Variants in NPAT observed in about 807,000 individuals in gnomAD.
The protein encoded by NPAT is nuclear protein, coactivator of histone transcription.
NPAT carries 52 observed loss-of-function variants against 130.7 expected under a neutral mutation model. The ratio of observed to expected loss-of-function variants is 0.40; its 90% CI spans 0.32 to 0.50. The LOEUF is 0.50. Among genes scored for constraint, NPAT ranks in the 20% least tolerant of loss-of-function variants. The pLI, the probability that NPAT is intolerant of heterozygous loss-of-function variation, is 0.68. For synonymous variants in NPAT, 580 were observed against 584.8 expected (o/e 0.99, Z 0.12); for missense variants, 1,687 against 1,662.6 (o/e 1.01, Z -0.26).
In NPAT at chr11:108,197,069, G is replaced by A. The variant is rs140014845; in HGVS notation, c.156+233C>T. On this transcript the variant is annotated intron_variant, in intron 2 of 17. Transcript: ENST00000278612. ...AGCAGCGAAACTAATCAGAAACGAGGGTGTCATTTTGAAACTAACTCTCGG... is the reference window on the plus strand; with the variant it reads ...AGCAGCGAAACTAATCAGAAACGAGAGTGTCATTTTGAAACTAACTCTCGG... 2.4e-4 allele frequency among the ~76,000 whole-genome samples: 36 copies of A among 152,130 alleles called. 1 individual carries two copies. The highest frequency in any genetic ancestry group is 7.5e-4 in the African/African-American group (31 of 41,508).
Position 108,202,385 on chromosome 11 carries a change from C to G in NPAT, c.38-4965G>C, listed in dbSNP as rs570274775. Among the ~76,000 whole-genome samples, 4 of 152,200 alleles carry G rather than the reference C, an allele frequency of 2.6e-5. No homozygotes were observed. In the East Asian group the frequency reaches 5.8e-4, roughly 22 times the overall value. ...CCAGATTTCTGATCCACTTGAGGCC[C>G]CTCTGATCTGGGAGGGCTCCAAGAG... On this transcript the variant is annotated intron_variant, in intron 1 of 17. Transcript: ENST00000278612.
chr11:108,172,774 A>G lies in NPAT; in HGVS notation c.2210T>C (p.Ile737Thr). The G allele has an allele frequency of 1.9e-6, 3 of 1,613,682 alleles. No homozygotes were observed. Among genetic ancestry groups the G allele is most frequent in the Non-Finnish European group, 2.5e-6 (3 of 1,179,992 alleles). Residue 737 changes from isoleucine to threonine, a missense_variant, in exon 13 of 18, where the codon ATC becomes ACC. Ile to Thr is a moderately conservative substitution (Grantham distance 89, BLOSUM62 -1). This residue lies in a region of NPAT where 1,379 missense variants were observed against 1,346.6 expected (regional missense o/e 1.02). Transcript: ENST00000278612. Reference protein sequence around the residue: ...NNSAEIDASNIVSLKVIISDD... With the variant: ...NNSAEIDASNTVSLKVIISDD... ...ACTAATGATAACTTTGAGAGAGACG[A>G]TATTTGATGCATCTATCTCTGCTGA... is the stretch of plus-strand genomic sequence containing the variant.
At chr11:108,205,185 TATTC>T (rs1294160579) in intron 1 of NPAT, among the ~76,000 whole-genome samples, 1 of 152,044 alleles carries the variant, frequency 6.6e-6, no homozygotes, top group Non-Finnish European at 1.5e-5. Context: ...AGTGAGATGA[TATTC>T]AAAGACTTGA....
At chr11:108,206,622 C>G (rs1412162065) in intron 1 of NPAT, among the ~76,000 whole-genome samples, 2 of 152,128 alleles carry the variant, frequency 1.3e-5, no homozygotes, top group Non-Finnish European at 2.9e-5. Context: ...TTGGGGAGCT[C>G]TTAGGTCTGG....
At chr11:108,180,736 G>A (rs1397731225) in intron 10 of NPAT, among the ~76,000 whole-genome samples, 2 of 152,172 alleles carry the variant, frequency 1.3e-5, no homozygotes, top group Admixed American at 6.5e-5. Context: ...TCTCAAAGAC[G>A]TATTTGTACA....
intron 12 of NPAT, among the ~76,000 whole-genome samples, chr11:108,175,647 T>G (rs1225561685): frequency 2.0e-5 from 3 of 152,162 alleles, no homozygotes; most frequent in Admixed American, 1.3e-4. Context: ...ACTTGATTGT[T>G]GGCAGAGGAA....
intron 7 of NPAT, among the ~76,000 whole-genome samples, chr11:108,187,552 C>T (rs1345353624): frequency 6.6e-6 from 1 of 152,034 alleles, no homozygotes; most frequent in African/African-American, 2.4e-5. Context: ...GAATGAAAGA[C>T]AACCAAAAGT....
At position 108,170,041 on chromosome 11, in the gene NPAT, A is replaced by T; in HGVS notation, c.2788T>A (p.Ser930Thr). 6.3e-7 allele frequency: 1 copy of T among 1,593,268 alleles called. No homozygotes were observed. ...ACTGGAGAGGCAATTATTATGGCAGATCCTAAAAAAACAATTCTTGTTAAA... is the reference window on the plus strand; with the variant it reads ...ACTGGAGAGGCAATTATTATGGCAGTTCCTAAAAAAACAATTCTTGTTAAA... ...QAVSPNFSQG[S>T]AIIIASPVQP... The change falls in exon 14 of 18, where the codon TCT becomes ACT. Residue 930 changes from serine (S) to threonine (T), a missense_variant and splice_region_variant. This residue lies in a region of NPAT where 1,379 missense variants were observed against 1,346.6 expected (regional missense o/e 1.02). Transcript: ENST00000278612.
At chr11:108,206,324 A>G (rs1027229673) in intron 1 of NPAT, among the ~76,000 whole-genome samples, 20 of 152,334 alleles carry the variant, frequency 1.3e-4, no homozygotes, top group African/African-American at 4.6e-4. Flanking sequence ...CCACTTGGCC[A>G]AGCAGGCTGT....
Position 108,188,197 on chromosome 11 carries a change from A to C in NPAT, c.557-18T>G. Reference sequence around the variant, plus strand: ...TTCTCCAGCTGTATTTCAAGAAAACATAACAGTAAGCCAAAGAAACTGAAT... The same window carrying C: ...TTCTCCAGCTGTATTTCAAGAAAACCTAACAGTAAGCCAAAGAAACTGAAT... On this transcript the variant is annotated intron_variant, in intron 6 of 17. Coordinates refer to ENST00000278612, the MANE Select transcript of NPAT (RefSeq NM_002519.3). 1 of 1,593,324 alleles carries C rather than the reference A, an allele frequency of 6.3e-7. No individual in the cohort carries two copies. Among genetic ancestry groups the C allele is most frequent in the Non-Finnish European group, 8.6e-7 (1 of 1,161,174 alleles).
chr11:108,194,169 T>C (rs2078198070), intron 2 of NPAT, 152 bp from the exon 3 acceptor site: 2 of 599,054 alleles, frequency 3.3e-6, no homozygotes, highest in Admixed American at 3.1e-5. Flanking sequence ...AAAATGAAAA[T>C]AGCCACTGAA....
At chr11:108,194,127 C>A (rs541976380) in intron 2 of NPAT, 110 bp from the exon 3 acceptor site, 1 of 660,742 alleles carries the variant, frequency 1.5e-6, no homozygotes, top group Admixed American at 2.6e-5. Context: ...TGCAGAGTAG[C>A]GATGAGGAAA....
intron 15 of NPAT, among the ~76,000 whole-genome samples, chr11:108,165,214 GA>G (rs1276272528): frequency 6.6e-6 from 1 of 151,954 alleles, no homozygotes; most frequent in Non-Finnish European, 1.5e-5. Flanking sequence ...TTGTTGAACA[GA>G]AACTTTAAAT....
chr11:108,177,340 T>C (rs2078018712), intron 10 of NPAT, among the ~76,000 whole-genome samples: 1 of 151,920 alleles, frequency 6.6e-6, no homozygotes, highest in South Asian at 2.1e-4. Context: ...ATTATTATTT[T>C]TGATAGAGAT....
At chr11:108,188,617 C>G (rs1189481348) in intron 6 of NPAT, among the ~76,000 whole-genome samples, 2 of 152,136 alleles carry the variant, frequency 1.3e-5, no homozygotes, top group African/African-American at 4.8e-5. Context: ...CCCTTAACTA[C>G]CATGTGTTTT....
intron 2 of NPAT, among the ~76,000 whole-genome samples, chr11:108,194,486 G>A (rs1252011783): frequency 6.6e-6 from 1 of 152,112 alleles, no homozygotes; most frequent in African/African-American, 2.4e-5. Flanking sequence ...GTTCAGAATT[G>A]TTAATTTAGA....
intron 1 of NPAT, among the ~76,000 whole-genome samples, chr11:108,197,950 T>C (rs970854220): frequency 2.0e-5 from 3 of 152,232 alleles, no homozygotes; most frequent in Non-Finnish European, 4.4e-5. Flanking sequence ...CAAAGCATTA[T>C]CAATTCCAAC....
chr11:108,200,995 C>T (rs1444495536), intron 1 of NPAT, among the ~76,000 whole-genome samples: 1 of 152,204 alleles, frequency 6.6e-6, no homozygotes, highest in Non-Finnish European at 1.5e-5. Flanking sequence ...TCTAAGACAG[C>T]CCCCAGCTGT....
chr11:108,179,520 G>A (rs80002635), intron 10 of NPAT, among the ~76,000 whole-genome samples: 1 of 152,202 alleles, frequency 6.6e-6, no homozygotes, highest in Non-Finnish European at 1.5e-5. Flanking sequence ...GATTACAGGC[G>A]TGAGCCACCA....
Sources: allele counts gnomAD v4.1 joint callset (sites outside exome capture counted in the v4.1 genomes callset), GRCh38; gene constraint gnomAD v4.1.1; regional missense constraint gnomAD v4.1.1; transcripts MANE v1.5; gene names NCBI Gene and HGNC (gene_info 2026-07-23, HGNC 2026-07-21).